SLC66A3: variants seen among roughly 807,000 people sequenced by gnomAD.
The protein encoded by SLC66A3 is PQ loop repeat containing 3.
In SLC66A3, 23 loss-of-function variants were observed where a neutral mutation model predicts 25.5. The ratio of observed to expected loss-of-function variants is 0.90; its 90% CI spans 0.65 to 1.28. The LOEUF is 1.28. Ranked by LOEUF, SLC66A3 falls within the 50% of genes most tolerant of loss-of-function variation. The pLI, the probability that SLC66A3 is intolerant of heterozygous loss-of-function variation, is 0.00. For missense variants in SLC66A3, 246 were observed against 262.1 expected (o/e 0.94, Z 0.42); for synonymous variants, 108 against 112.6 (o/e 0.96, Z 0.26).
At chr2:11,173,662 T>G (rs1662632531) in intron 5 of SLC66A3, among the ~76,000 whole-genome samples, 1 of 152,218 alleles carries the variant, frequency 6.6e-6, no homozygotes, top group Non-Finnish European at 1.5e-5. Flanking sequence ...ATGTGCTAAA[T>G]GCAGAATGTG....
At chr2:11,159,615 C>G (rs1401500150) in intron 1 of SLC66A3, among the ~76,000 whole-genome samples, 3 of 152,170 alleles carry the variant, frequency 2.0e-5, no homozygotes, top group African/African-American at 7.2e-5. Flanking sequence ...AGATTGGAGA[C>G]CCTGGGGGGC....
chr2:11,172,102 G>T, intron 5 of SLC66A3, 57 bp downstream of exon 5: 1 of 1,567,266 alleles, frequency 6.4e-7, no homozygotes, highest in Non-Finnish European at 8.7e-7. Context: ...TGTCTACGTA[G>T]TAGGGTGTTA....
chr2:11,162,049 A>G (rs147244866), intron 3 of SLC66A3, among the ~76,000 whole-genome samples: 1 of 152,350 alleles, frequency 6.6e-6, no homozygotes, highest in Admixed American at 6.5e-5. Context: ...CATACACCAT[A>G]AACTGTGCGT....
At chr2:11,176,951 A>G (rs538159485) in intron 6 of SLC66A3, among the ~76,000 whole-genome samples, 54 of 152,356 alleles carry the variant, frequency 3.5e-4, no homozygotes, top group African/African-American at 1.3e-3. Context: ...GTAGAAGTTA[A>G]GTCACTGTTA....
chr2:11,169,837 C>CTTTTTTTT (rs1186098636), intron 4 of SLC66A3, among the ~76,000 whole-genome samples: 28,163 of 87,394 alleles, frequency 0.32, 5,553 homozygotes, highest in Non-Finnish European at 0.39. Flanking sequence ...GGATTTCTCT[C>CTTTTTTTT]TTTTTTTTTT....
rs1313718537 is a variant in SLC66A3 at position 11,177,829 on chromosome 2, T to A, written c.*1T>A. The A allele has an allele frequency of 6.4e-7, 1 of 1,561,768 alleles. No individual in the cohort carries two copies. The highest frequency in any genetic ancestry group is 1.1e-5 in the South Asian group (1 of 89,870). On this transcript the variant is annotated 3_prime_UTR_variant, in exon 7 of 7. Transcript: ENST00000295083. Reference sequence around the variant, plus strand: ...GAAGACCGCTATAAAGGCTGAATGATGGATACATTATTCCTTCACACAGTG... The same window carrying A: ...GAAGACCGCTATAAAGGCTGAATGAAGGATACATTATTCCTTCACACAGTG...
rs559383214 is a variant in SLC66A3, at chr2:11,165,624, C to T, written c.354+1363C>T. Among the ~76,000 whole-genome samples, 112 of 152,354 alleles carry T rather than the reference C, an allele frequency of 7.4e-4. 2 individuals carry two copies. The highest frequency in any genetic ancestry group is 6.8e-3 in the Middle Eastern group (2 of 294). ...CTTCCCAGACGGGGTGTCGGCCGGG[C>T]AGAGGCTGCAATCTCGGCACTTTGG... On this transcript the variant is annotated intron_variant, in intron 4 of 6. Coordinates refer to ENST00000295083, the MANE Select transcript of SLC66A3 (RefSeq NM_152391.5).
intron 6 of SLC66A3, 149 bp downstream of exon 6, chr2:11,175,158 G>C: frequency 1.7e-6 from 1 of 587,938 alleles, no homozygotes; most frequent in Non-Finnish European, 3.0e-6. Flanking sequence ...TAGTCTTATT[G>C]GTCACCATTT....
intron 4 of SLC66A3, among the ~76,000 whole-genome samples, chr2:11,169,616 TC>T (rs1177098091): frequency 6.6e-6 from 1 of 152,024 alleles, no homozygotes; most frequent in Non-Finnish European, 1.5e-5. Flanking sequence ...CTCCCTGACT[TC>T]CGTGTTCCCA....
chr2:11,169,419 C>T (rs1424315265), intron 4 of SLC66A3, among the ~76,000 whole-genome samples: 4 of 152,154 alleles, frequency 2.6e-5, no homozygotes, highest in Non-Finnish European at 4.4e-5. Context: ...TCAAGGCCAG[C>T]GGCTTTCATT....
intron 4 of SLC66A3, among the ~76,000 whole-genome samples, chr2:11,168,188 G>A (rs1271817689): frequency 1.3e-5 from 2 of 151,916 alleles, no homozygotes; most frequent in Non-Finnish European, 2.9e-5. Flanking sequence ...AGGAGGGTGA[G>A]GCAGGAGAAT....
chr2:11,165,835 G>A (rs1339460864), intron 4 of SLC66A3, among the ~76,000 whole-genome samples: 3 of 145,720 alleles, frequency 2.1e-5, no homozygotes, highest in African/African-American at 7.4e-5. Context: ...CCAACACAGC[G>A]AAACCCTGTC....
intron 4 of SLC66A3, among the ~76,000 whole-genome samples, chr2:11,171,720 C>T (rs929190798): frequency 6.6e-6 from 1 of 152,102 alleles, no homozygotes. Flanking sequence ...AGGCGCCCAC[C>T]ACCACGCCCA....
At chr2:11,162,294 G>A (rs1311039890) in intron 3 of SLC66A3, among the ~76,000 whole-genome samples, 1 of 152,222 alleles carries the variant, frequency 6.6e-6, no homozygotes, top group African/African-American at 2.4e-5. Context: ...TGCGGAAAGA[G>A]GGATCGCACA....
At chr2:11,162,720 C>G (rs1662170993) in intron 3 of SLC66A3, among the ~76,000 whole-genome samples, 1 of 152,198 alleles carries the variant, frequency 6.6e-6, no homozygotes, top group Admixed American at 6.5e-5. Flanking sequence ...CATTCTCCTG[C>G]CTCAGCCTCC....
chr2:11,171,400 A>G lies in SLC66A3; in HGVS notation c.355-525A>G, dbSNP rs7573268. 3.3e-3 allele frequency among the ~76,000 whole-genome samples: 497 copies of G among 152,220 alleles called. 2 individuals are homozygous for G. Among genetic ancestry groups the G allele is most frequent in the African/African-American group, 0.011 (448 of 41,524 alleles). On this transcript the variant is annotated intron_variant, in intron 4 of 6. Transcript: ENST00000295083. ...GGTTTCAACTTTGTACAAATCCATTATTATTTTGACACTCCAGCCTGGGTG... is the reference window on the plus strand; with the variant it reads ...GGTTTCAACTTTGTACAAATCCATTGTTATTTTGACACTCCAGCCTGGGTG...
intron 6 of SLC66A3, among the ~76,000 whole-genome samples, 197 bp downstream of exon 6, chr2:11,175,206 A>G (rs1442217892): frequency 6.6e-6 from 1 of 152,250 alleles, no homozygotes; most frequent in Non-Finnish European, 1.5e-5. Context: ...TACAGGGGAT[A>G]GACTATGCAC....
intron 4 of SLC66A3, among the ~76,000 whole-genome samples, chr2:11,168,007 G>A (rs1262770377): frequency 6.6e-5 from 10 of 152,364 alleles, no homozygotes; most frequent in East Asian, 3.9e-4. Flanking sequence ...AAGGCCGGGT[G>A]CGGTGGCTCA....
In SLC66A3 at chr2:11,177,736, GTTC is replaced by G. The variant is rs762496358; in HGVS notation, c.522_524del (p.Leu175del). On this transcript the variant is annotated inframe_deletion and splice_region_variant, in exon 7 of 7. Transcript: ENST00000295083. ...TTAATACACTTTTTTTTTTATTTCA[GTTC>G]TTCTACGTTTTGTGATCATGCTGGC... 140 of 1,592,432 alleles carry G rather than the reference GTTC, an allele frequency of 8.8e-5. No homozygotes were observed. The highest frequency in any genetic ancestry group is 7.8e-4 in the African/African-American group (58 of 74,142).
Sources: gnomAD v4.1 joint callset for allele counts (sites outside exome capture counted in the v4.1 genomes callset) on GRCh38, gnomAD v4.1.1 for gene constraint, MANE v1.5 for transcripts, NCBI Gene and HGNC (gene_info 2026-07-23, HGNC 2026-07-21) for gene names.